Variants in RAPGEF2 observed in about 807,000 individuals in gnomAD.
RAPGEF2 encodes the protein PDZ domain containing guanine nucleotide exchange factor (GEF) 1.
In RAPGEF2, 54 loss-of-function variants were observed where a neutral mutation model predicts 186.7. That is an observed-to-expected ratio of 0.29 (90% CI 0.23 to 0.36). The LOEUF is 0.36. Among genes scored for constraint, RAPGEF2 ranks in the 10% least tolerant of loss-of-function variants. The probability of loss-of-function intolerance (pLI) is 1.00; values close to 1 mark genes in which losing one functional copy is unlikely to be tolerated. For missense variants in RAPGEF2, 1,532 were observed against 2,045.0 expected, an observed-to-expected ratio of 0.75 and a Z score of 4.84; for synonymous variants, 712 against 705.9, an observed-to-expected ratio of 1.01 and a Z score of -0.14.
chr4:159,181,682 T>C (rs941738067), intron 1 of RAPGEF2, among the ~76,000 whole-genome samples: 4 of 148,966 alleles, frequency 2.7e-5, no homozygotes, highest in African/African-American at 9.9e-5. Context: ...ACTACAGGCA[T>C]GCATCACCAC....
intron 3 of RAPGEF2, among the ~76,000 whole-genome samples, chr4:159,194,327 A>G (rs987019650): frequency 5.9e-5 from 9 of 152,130 alleles, no homozygotes; most frequent in Admixed American, 3.3e-4. Flanking sequence ...TGTTCAGAAA[A>G]CGACTTGGAT....
At chr4:159,205,266 T>C (rs1228597388) in intron 3 of RAPGEF2, among the ~76,000 whole-genome samples, 1 of 152,140 alleles carries the variant, frequency 6.6e-6, no homozygotes, top group Admixed American at 6.5e-5. Context: ...TTGGGTGGGA[T>C]AGATGCATTT....
At chr4:159,352,133 A>G (rs1183161686) in intron 26 of RAPGEF2, among the ~76,000 whole-genome samples, 2 of 152,250 alleles carry the variant, frequency 1.3e-5, no homozygotes, top group Non-Finnish European at 2.9e-5. Flanking sequence ...ATGTGGTTCA[A>G]CCAATATTAA....
chr4:159,134,667 T>C (rs1741514939), intron 1 of RAPGEF2, among the ~76,000 whole-genome samples: 1 of 152,272 alleles, frequency 6.6e-6, no homozygotes, highest in Admixed American at 6.5e-5. Flanking sequence ...GTAAGTCATC[T>C]TATGGGCATG....
intron 3 of RAPGEF2, among the ~76,000 whole-genome samples, chr4:159,210,120 G>A (rs1351908863): frequency 1.3e-5 from 2 of 152,174 alleles, no homozygotes; most frequent in African/African-American, 4.8e-5. Context: ...GGAGAAATGT[G>A]AGAACTTGCT....
At chr4:159,114,743 A>G (rs1201016925) in intron 1 of RAPGEF2, among the ~76,000 whole-genome samples, 5 of 152,224 alleles carry the variant, frequency 3.3e-5, no homozygotes, top group African/African-American at 9.7e-5. Flanking sequence ...AAGGAAGTCA[A>G]TCCCAATGAA....
rs901493888 is a variant in RAPGEF2, at chr4:159,286,027, C to T, written c.544-18315C>T. ...CAACTCTTAACACTTAACTGTTCCC[C>T]CCAACCACCACCACCACCACCACCA... On this transcript the variant is annotated intron_variant, in intron 7 of 29. Coordinates refer to ENST00000691494, the MANE Select transcript of RAPGEF2 (RefSeq NM_001394067.2). 3.0e-4 allele frequency among the ~76,000 whole-genome samples: 44 copies of T among 144,350 alleles called. 1 individual carries two copies. Among genetic ancestry groups the T allele is most frequent in the Non-Finnish European group, 7.5e-5 (5 of 66,526 alleles). The allele number at this position is 144,350 out of a possible 152,430, so 94.7% of individuals were successfully genotyped here.
intron 1 of RAPGEF2, among the ~76,000 whole-genome samples, chr4:159,143,638 T>C (rs138389773): frequency 1.9e-3 from 282 of 152,298 alleles, no homozygotes; most frequent in Middle Eastern, 6.8e-3. Flanking sequence ...TGCAGGGATA[T>C]ACACTTAAGG....
At chr4:159,139,706 TTTG>T (rs1229813636) in intron 1 of RAPGEF2, among the ~76,000 whole-genome samples, 1 of 152,152 alleles carries the variant, frequency 6.6e-6, no homozygotes, top group Non-Finnish European at 1.5e-5. Flanking sequence ...TTAAATGTGG[TTTG>T]TTAAGAGATT....
intron 1 of RAPGEF2, among the ~76,000 whole-genome samples, chr4:159,109,893 T>G (rs1456734266): frequency 6.6e-6 from 1 of 152,188 alleles, no homozygotes; most frequent in Non-Finnish European, 1.5e-5. Flanking sequence ...GAATGATTAC[T>G]GGCATTTAGA....
At position 159,338,299 on chromosome 4, in the gene RAPGEF2, C is replaced by G; in HGVS notation, c.2136-12C>G. The G allele has an allele frequency of 6.3e-7, 1 of 1,589,582 alleles. No homozygotes were observed. On this transcript the variant is annotated splice_polypyrimidine_tract_variant and intron_variant, in intron 17 of 29. Transcript: ENST00000691494. Reference sequence around the variant, plus strand: ...ACTTGTTGATAATTTTCTAATTTTCCTCTTTGTTCAGTGATATTGGGATTG... The same window carrying G: ...ACTTGTTGATAATTTTCTAATTTTCGTCTTTGTTCAGTGATATTGGGATTG...
At chr4:159,224,663 G>C (rs1173320202) in intron 4 of RAPGEF2, among the ~76,000 whole-genome samples, 1 of 152,154 alleles carries the variant, frequency 6.6e-6, no homozygotes, top group Non-Finnish European at 1.5e-5. Flanking sequence ...GATTCGAACA[G>C]AGAGGCTGTA....
intron 1 of RAPGEF2, among the ~76,000 whole-genome samples, chr4:159,166,002 A>G (rs929618900): frequency 8.5e-5 from 13 of 152,216 alleles, no homozygotes; most frequent in Admixed American, 7.2e-4. Flanking sequence ...AGGACTAGTC[A>G]AAAGTGGATT....
chr4:159,233,363 T>G (rs1474584522), intron 4 of RAPGEF2, among the ~76,000 whole-genome samples: 1 of 152,188 alleles, frequency 6.6e-6, no homozygotes, highest in African/African-American at 2.4e-5. Flanking sequence ...ATTTCATTCT[T>G]TTTCATGTGA....
At chr4:159,186,979 A>G (rs79757214) in intron 2 of RAPGEF2, among the ~76,000 whole-genome samples, 2 of 152,108 alleles carry the variant, frequency 1.3e-5, no homozygotes, top group African/African-American at 2.4e-5. Context: ...ATACACCACA[A>G]ATTGTTGTTA....
At chr4:159,321,082 A>C (rs1329836251) in intron 9 of RAPGEF2, among the ~76,000 whole-genome samples, 1 of 152,178 alleles carries the variant, frequency 6.6e-6, no homozygotes, top group Non-Finnish European at 1.5e-5. Context: ...CACCTTGCCC[A>C]AAGTAATACA....
chr4:159,216,537 A>G (rs896252879), intron 4 of RAPGEF2, among the ~76,000 whole-genome samples: 1 of 152,052 alleles, frequency 6.6e-6, no homozygotes, highest in Non-Finnish European at 1.5e-5. Flanking sequence ...AACATAACCA[A>G]CAGCTTGAGT....
intron 1 of RAPGEF2, among the ~76,000 whole-genome samples, chr4:159,104,553 A>AGAGAGAGTGTGT (rs1553991869): frequency 1.5e-5 from 2 of 136,026 alleles, no homozygotes; most frequent in African/African-American, 2.9e-5. Context: ...AGAGAGAGAG[A>AGAGAGAGTGTGT]GTGTGTGTGT....
intron 7 of RAPGEF2, among the ~76,000 whole-genome samples, chr4:159,285,563 C>A (rs914663433): frequency 6.6e-6 from 1 of 152,086 alleles, no homozygotes; most frequent in African/African-American, 2.4e-5. Context: ...TCTCAAGTTC[C>A]TTAAGAGATT....
Sources: gnomAD v4.1 joint callset for allele counts (sites outside exome capture counted in the v4.1 genomes callset) on GRCh38, gnomAD v4.1.1 for gene constraint, MANE v1.5 for transcripts, NCBI Gene and HGNC (gene_info 2026-07-23, HGNC 2026-07-21) for gene names.